PGGT1B: variants seen among roughly 807,000 people sequenced by gnomAD.
PGGT1B encodes protein geranylgeranyltransferase type I subunit beta.
A neutral mutation model predicts 46.1 loss-of-function variants in PGGT1B; 30 were observed. That is an observed-to-expected ratio of 0.65 (90% confidence interval 0.49 to 0.88). The LOEUF is 0.88. Among genes scored for constraint, PGGT1B ranks in the 40% least tolerant of loss-of-function variants. The pLI, the probability that PGGT1B is intolerant of heterozygous loss-of-function variation, is 0.00. For synonymous variants in PGGT1B, 170 were observed against 160.0 expected (o/e 1.06, Z -0.47); for missense variants, 376 against 455.9 (o/e 0.82, Z 1.60).
intron 3 of PGGT1B, among the ~76,000 whole-genome samples, chr5:115,241,242 C>A (rs1757335775): frequency 6.6e-6 from 1 of 152,134 alleles, no homozygotes; most frequent in Non-Finnish European, 1.5e-5. Flanking sequence ...TCACCAATAA[C>A]TTTTACACAC....
At chr5:115,249,610 T>G (rs113870675) in intron 2 of PGGT1B, among the ~76,000 whole-genome samples, 1 of 151,876 alleles carries the variant, frequency 6.6e-6, no homozygotes, top group African/African-American at 2.4e-5. Context: ...GAGCAGGTAA[T>G]TGGAATGAGT....
At position 115,236,341 on chromosome 5, in the gene PGGT1B, T is replaced by C. The variant is rs770054063; in HGVS notation, c.612+49A>G. On this transcript the variant is annotated intron_variant, in intron 5 of 8. Coordinates refer to ENST00000419445, the MANE Select transcript of PGGT1B (RefSeq NM_005023.4). ...GACATACACTATAATACAGCCCTCA[T>C]GTACCAGCAAAAACAACCTAAATAG... The C allele has an allele frequency of 1.2e-5, 18 of 1,477,830 alleles. No homozygotes were observed. The South Asian group carries it at 1.2e-4, about 10-fold the overall frequency. The allele number at this position is 1,477,830 out of a possible 1,614,324, so 91.5% of individuals were successfully genotyped here.
rs541809047 is a variant in PGGT1B at position 115,241,495 on chromosome 5, T to A, written c.327+44A>T. 1.1e-4 allele frequency: 133 copies of A among 1,179,470 alleles called. No individual in the cohort carries two copies. In the East Asian group the frequency reaches 2.4e-3, roughly 21 times the overall value. 73.1% of individuals were successfully genotyped at this position (1,179,470 alleles called of 1,614,324 possible). A position where few individuals can be genotyped will look rare whatever the true frequency, so the allele number is the denominator to read the frequency against. ...CTTAGTTTTCTCTTTTATTAAAATA[T>A]CCCTACATCCCTTCTACTTCCTTCT... is the stretch of plus-strand genomic sequence containing the variant. On this transcript the variant is annotated intron_variant, in intron 3 of 8. Coordinates refer to ENST00000419445, the MANE Select transcript of PGGT1B (RefSeq NM_005023.4).
intron 1 of PGGT1B, among the ~76,000 whole-genome samples, chr5:115,257,112 T>C (rs1748351988): frequency 6.6e-6 from 1 of 152,122 alleles, no homozygotes; most frequent in Non-Finnish European, 1.5e-5. Flanking sequence ...CCCAATCAAG[T>C]TGCTTTACCA....
chr5:115,261,432 T>C (rs548005171), intron 1 of PGGT1B, among the ~76,000 whole-genome samples: 73 of 152,236 alleles, frequency 4.8e-4, no homozygotes, highest in Non-Finnish European at 8.5e-4. Context: ...AGGACTAAGC[T>C]GTTGCAAATG....
intron 2 of PGGT1B, among the ~76,000 whole-genome samples, chr5:115,251,998 C>A (rs950969148): frequency 1.3e-5 from 2 of 152,060 alleles, no homozygotes. Context: ...TAAGACGTGG[C>A]CTCGGCCACA....
chr5:115,244,691 A>G (rs1268657800), intron 2 of PGGT1B, among the ~76,000 whole-genome samples: 1 of 151,884 alleles, frequency 6.6e-6, no homozygotes, highest in Admixed American at 6.5e-5. Flanking sequence ...CGCAGGCACA[A>G]GCAATTCTCC....
chr5:115,224,301 G>C (rs1393389215), intron 6 of PGGT1B, among the ~76,000 whole-genome samples: 1 of 152,012 alleles, frequency 6.6e-6, no homozygotes, highest in East Asian at 1.9e-4. Flanking sequence ...CTCCCGAAAA[G>C]TAAAAAGAGG....
At chr5:115,255,148 A>T (rs1019658108) in intron 1 of PGGT1B, among the ~76,000 whole-genome samples, 7 of 152,196 alleles carry the variant, frequency 4.6e-5, no homozygotes, top group South Asian at 2.1e-4. Context: ...AATGGAAGCC[A>T]TTATCCTTGG....
At chr5:115,251,657 C>G (rs73257411) in intron 2 of PGGT1B, among the ~76,000 whole-genome samples, 2,035 of 152,000 alleles carry the variant, frequency 0.013, 48 homozygotes, top group African/African-American at 0.046. Context: ...AAGACAATAG[C>G]TATTTTATTT....
intron 6 of PGGT1B, among the ~76,000 whole-genome samples, chr5:115,227,077 A>C (rs265432): frequency 0.11 from 16,956 of 152,104 alleles, 1,036 homozygotes; most frequent in Middle Eastern, 0.18. Context: ...GGGGTCACTC[A>C]GATGTGGGTC....
At chr5:115,261,974 T>G (rs1748572520) in intron 1 of PGGT1B, among the ~76,000 whole-genome samples, 1 of 152,152 alleles carries the variant, frequency 6.6e-6, no homozygotes, top group Admixed American at 6.5e-5. Flanking sequence ...CACCAGCAAC[T>G]CAGAATTTGG....
At chr5:115,222,517 T>C (rs1756618341) in intron 6 of PGGT1B, among the ~76,000 whole-genome samples, 1 of 152,156 alleles carries the variant, frequency 6.6e-6, no homozygotes, top group South Asian at 2.1e-4. Flanking sequence ...CCACCAACAG[T>C]GTAAAGGTGT....
Position 115,231,013 on chromosome 5 carries a change from G to T in PGGT1B, c.621C>A (p.Asp207Glu). 6.5e-7 allele frequency: 1 copy of T among 1,542,904 alleles called. No individual in the cohort carries two copies. The highest frequency in any genetic ancestry group is 8.8e-7 in the Non-Finnish European group (1 of 1,133,310). Residue 207 changes from aspartate (D) to glutamate (E), a missense_variant, in exon 6 of 9, where the codon GAC (aspartate) becomes GAA (glutamate). Physicochemically the swap from Asp to Glu is conservative, Grantham distance 45 (BLOSUM62 2). Coordinates refer to ENST00000419445, the MANE Select transcript of PGGT1B (RefSeq NM_005023.4). Reference protein sequence around the residue: ...ITYIRRSMSYDNGLAQGAGLE... With the variant: ...ITYIRRSMSYENGLAQGAGLE... Reference sequence around the variant, plus strand: ...GTCCAGCTCCCTGTGCCAGTCCATTGTCATAGGACTGAAAAAGAAAAACAT... The same window carrying T: ...GTCCAGCTCCCTGTGCCAGTCCATTTTCATAGGACTGAAAAAGAAAAACAT...
chr5:115,221,050 C>T (rs1037760240), intron 7 of PGGT1B, among the ~76,000 whole-genome samples: 2 of 151,928 alleles, frequency 1.3e-5, no homozygotes, highest in Non-Finnish European at 1.5e-5. Context: ...AATGGTACTA[C>T]AAGTGAGGAG....
At chr5:115,249,895 C>T (rs1279239999) in intron 2 of PGGT1B, among the ~76,000 whole-genome samples, 2 of 152,010 alleles carry the variant, frequency 1.3e-5, no homozygotes, top group African/African-American at 4.8e-5. Flanking sequence ...TATTTTGTAA[C>T]ATTGTTTTGA....
Position 115,236,454 on chromosome 5 carries a change from T to C in PGGT1B, c.548A>G (p.Tyr183Cys), listed in dbSNP as rs1370000214. ...RFVYCASCIC[Y>C]MLNNWSGMDM... ...CATGCCTGACCAGTTGTTGAGCATA[T>C]AGCAAATACAGGAAGCACAGTACAC... The change falls in exon 5 of 9, where the codon TAT (tyrosine) becomes TGT (cysteine). Residue 183 changes from tyrosine (Y) to cysteine (C), a missense_variant. Physicochemically the swap from Tyr to Cys is radical, Grantham distance 194 (BLOSUM62 -2). This residue lies in a region of PGGT1B where 222 missense variants were observed against 313.6 expected (regional missense o/e 0.71). Transcript: ENST00000419445. 6.3e-7 allele frequency: 1 copy of C among 1,598,010 alleles called. No individual in the cohort carries two copies. Among genetic ancestry groups the C allele is most frequent in the South Asian group, 1.1e-5 (1 of 88,030 alleles).
intron 1 of PGGT1B, among the ~76,000 whole-genome samples, chr5:115,254,482 C>T (rs1748231056): frequency 1.3e-5 from 2 of 151,974 alleles, no homozygotes; most frequent in Admixed American, 1.3e-4. Context: ...GAATTTTTCA[C>T]TTGTGGCTTC....
At chr5:115,234,362 T>C (rs1283610540) in intron 5 of PGGT1B, among the ~76,000 whole-genome samples, 3 of 151,902 alleles carry the variant, frequency 2.0e-5, no homozygotes, top group Non-Finnish European at 4.4e-5. Flanking sequence ...GAACAAGATG[T>C]TAAGTATGGG....
Sources: allele counts gnomAD v4.1 joint callset (sites outside exome capture counted in the v4.1 genomes callset), GRCh38; gene constraint gnomAD v4.1.1; regional missense constraint gnomAD v4.1.1; transcripts MANE v1.5; gene names NCBI Gene and HGNC (gene_info 2026-07-23, HGNC 2026-07-21).